FBF1: variants seen among roughly 807,000 people sequenced by gnomAD.
FBF1 encodes the protein fas-binding factor 1.
In FBF1, 119 loss-of-function variants were observed where a neutral mutation model predicts 147.2. The ratio of observed to expected loss-of-function variants is 0.81; its 90% CI spans 0.70 to 0.94. The LOEUF is 0.94. FBF1 is among the 40% of genes least tolerant of loss of function. The pLI is 0.00. For missense variants in FBF1, 1,449 were observed against 1,500.8 expected (o/e 0.97, Z 0.57); for synonymous variants, 601 against 609.0 (o/e 0.99, Z 0.19).
chr17:75,915,288 C>A, intron 23 of FBF1, 149 bp from the exon 24 acceptor site: 1 of 1,289,772 alleles, frequency 7.8e-7, no homozygotes, highest in Non-Finnish European at 1.0e-6. Context: ...TGAGGGGTGC[C>A]TGGGAGGCAC....
intron 23 of FBF1, 28 bp from the exon 24 acceptor site, chr17:75,915,167 C>T (rs779606083): frequency 5.0e-6 from 8 of 1,596,032 alleles, no homozygotes; most frequent in Non-Finnish European, 6.8e-6. Flanking sequence ...GGACTGAGAG[C>T]GTGGTTCCCG....
Position 75,918,011 on chromosome 17 carries a change from G to A in FBF1, c.2306C>T (p.Ser769Phe). The A allele has an allele frequency of 6.2e-7, 1 of 1,612,662 alleles. No individual in the cohort carries two copies. The highest frequency in any genetic ancestry group is 8.5e-7 in the Non-Finnish European group (1 of 1,179,200). Reference protein sequence around the residue: ...EKFSSSLHELSSRVEASHLTT... With the variant: ...EKFSSSLHELFSRVEASHLTT... ...GAGGTGCGAGGCCTCCACGCGGGAG[G>A]ACAACTCGTGCAGGCTGCTGGAGAA... Residue 769 changes from serine (S) to phenylalanine (F), a missense_variant, in exon 22 of 30, where the codon TCC becomes TTC. Transcript: ENST00000636174. This position sits in a 1 kb window ranked among gnomAD's most constrained non-coding sequence, Gnocchi z 5.8.
intron 4 of FBF1, 40 bp from the exon 5 acceptor site, chr17:75,933,128 AG>A: frequency 6.7e-7 from 1 of 1,481,594 alleles, no homozygotes; most frequent in Non-Finnish European, 9.3e-7. Flanking sequence ...ATTTAACTAA[AG>A]GTACCTGGAG....
At position 75,920,015 on chromosome 17, in the gene FBF1, A is replaced by G. The variant is rs139920170; in HGVS notation, c.1923T>C (p.Ser641=). The change falls in exon 19 of 30, where the codon AGT becomes AGC. Residue 641 remains serine, a synonymous_variant. Transcript: ENST00000636174. Reference sequence around the variant, plus strand: ...GGCCAGCGCCAGGGTACCTGTGTGCACTCTCGATGAGCTCCAGGTCTGCCT... The same window carrying G: ...GGCCAGCGCCAGGGTACCTGTGTGCGCTCTCGATGAGCTCCAGGTCTGCCT... ...QHQADLELIE[S]AHRSRIKVLE... 1.1e-3 allele frequency: 1,783 copies of G among 1,606,176 alleles called. 38 individuals are homozygous for G. In the East Asian group the frequency reaches 0.034, roughly 30 times the overall value.
rs114402607 is a variant in FBF1, at chr17:75,917,854, G to C, written c.2387-4C>G. 2,300 of 1,599,316 alleles carry C rather than the reference G, an allele frequency of 1.4e-3. 34 individuals carry two copies. The African/African-American group carries it at 0.028, about 19-fold the overall frequency. On this transcript the variant is annotated splice_polypyrimidine_tract_variant and splice_region_variant and intron_variant, in intron 22 of 29. Transcript: ENST00000636174. Reference sequence around the variant, plus strand: ...TGGCCCAGCCGCTCCTGCAGTGCTGGGGGCAACCCACAGGGTGCTCAGCAG... The same window carrying C: ...TGGCCCAGCCGCTCCTGCAGTGCTGCGGGCAACCCACAGGGTGCTCAGCAG...
At chr17:75,911,044 G>A (rs1277130914) in intron 29 of FBF1, among the ~76,000 whole-genome samples, 4 of 152,180 alleles carry the variant, frequency 2.6e-5, no homozygotes, top group Non-Finnish European at 4.4e-5. Flanking sequence ...ATGACTTCAT[G>A]TCTCTAAGCC....
At chr17:75,929,893 T>G in intron 7 of FBF1, 104 bp downstream of exon 7, 1 of 1,056,276 alleles carries the variant, frequency 9.5e-7, no homozygotes, top group Non-Finnish European at 1.4e-6. Context: ...GAAACACAGG[T>G]TGTAAAGGGA....
chr17:75,909,689 C>T lies in FBF1; in HGVS notation c.*1034G>A, dbSNP rs1286200213. ...CCAGCTGCCAGGTGCCACCGCAGAC[C>T]GCAGGTGCTGGAGGGGAGAGGCACG... On this transcript the variant is annotated 3_prime_UTR_variant, in exon 30 of 30. Coordinates refer to ENST00000636174, the MANE Select transcript of FBF1 (RefSeq NM_001319193.2). 18 of 574,270 alleles carry T rather than the reference C, an allele frequency of 3.1e-5. No homozygotes were observed. Among genetic ancestry groups the T allele is most frequent in the African/African-American group, 7.5e-5 (4 of 53,640 alleles). 35.6% of individuals were successfully genotyped at this position (574,270 alleles called of 1,614,324 possible).
intron 29 of FBF1, among the ~76,000 whole-genome samples, chr17:75,911,028 G>A (rs922253760): frequency 6.6e-6 from 1 of 152,288 alleles, no homozygotes; most frequent in African/African-American, 2.4e-5. Flanking sequence ...TGGAACTTAC[G>A]AGCACATGAC....
At chr17:75,920,485 A>G in intron 17 of FBF1, 56 bp from the exon 18 acceptor site, 1 of 1,514,426 alleles carries the variant, frequency 6.6e-7, no homozygotes, top group Non-Finnish European at 8.9e-7. Context: ...GGCCCAGCTG[A>G]GATCAGCTAC....
In FBF1 at chr17:75,923,211, TC is replaced by T; in HGVS notation, c.1398del (p.Thr467GlnfsTer46). The T allele has an allele frequency of 6.3e-7, 1 of 1,589,400 alleles. No homozygotes were observed. Among genetic ancestry groups the T allele is most frequent in the Non-Finnish European group, 8.6e-7 (1 of 1,168,622 alleles). On this transcript the variant is annotated frameshift_variant, in exon 14 of 30. Transcript: ENST00000636174. LOFTEE classifies it high-confidence loss of function. This position sits in a 1 kb window ranked among gnomAD's most constrained non-coding sequence, Gnocchi z 4.1. ...CTGCCAGAAGGGGGATGGCCCGCTG[TC>T]CCCGCCAAATGCAGGCCCTCAGAGG... is the stretch of plus-strand genomic sequence containing the variant. ...AGTSEGLHLA[G>X]TAGHPPSGSQ...
rs571950720 is a variant in FBF1 at position 75,917,630 on chromosome 17, C to A, written c.2505+102G>T. On this transcript the variant is annotated intron_variant, in intron 23 of 29. Coordinates refer to ENST00000636174, the MANE Select transcript of FBF1 (RefSeq NM_001319193.2). ...GAAGCGGCAGGTGGGGCCTTGACCT[C>A]CTGAGGAAGTGAGGTCACGGGAGTG... is the stretch of plus-strand genomic sequence containing the variant. The A allele has an allele frequency of 1.5e-4, 163 of 1,093,896 alleles. No homozygotes were observed. The African/African-American group carries it at 2.1e-3, about 14-fold the overall frequency. 67.8% of individuals were successfully genotyped at this position (1,093,896 alleles called of 1,614,324 possible).
At chr17:75,911,788 G>A (rs1406096292) in intron 29 of FBF1, among the ~76,000 whole-genome samples, 1 of 152,152 alleles carries the variant, frequency 6.6e-6, no homozygotes, top group African/African-American at 2.4e-5. Flanking sequence ...TGGGATTACA[G>A]GTGTGAGCCA....
At position 75,923,964 on chromosome 17, in the gene FBF1, G is replaced by C. The variant is rs2065545357; in HGVS notation, c.969-323C>G. Among the ~76,000 whole-genome samples the C allele has an allele frequency of 6.6e-6, 1 of 152,178 alleles. No homozygotes were observed. Among genetic ancestry groups the C allele is most frequent in the Non-Finnish European group, 1.5e-5 (1 of 68,030 alleles). ...ACGGTGGCTCATGTCTGTAATCCCAGATCTTTGGGAGGCCAGGGTGGGCAG... is the reference window on the plus strand; with the variant it reads ...ACGGTGGCTCATGTCTGTAATCCCACATCTTTGGGAGGCCAGGGTGGGCAG... On this transcript the variant is annotated intron_variant, in intron 13 of 29. Transcript: ENST00000636174. This position sits in a 1 kb window ranked among gnomAD's most constrained non-coding sequence, Gnocchi z 4.1.
At chr17:75,924,762 G>A (rs1025373956) in intron 13 of FBF1, among the ~76,000 whole-genome samples, 4 of 152,158 alleles carry the variant, frequency 2.6e-5, no homozygotes, top group African/African-American at 9.7e-5. Flanking sequence ...ACAGGCATGA[G>A]CCACCATACC....
rs2065516318 is a variant in FBF1 at position 75,920,178 on chromosome 17, A to G, written c.1831-71T>C. ...GTACTCCACGCTGCCCTGTGCCAAC[A>G]GCCCTTCCTCCCTCCTGGGGAAGCT... is the stretch of plus-strand genomic sequence containing the variant. On this transcript the variant is annotated intron_variant, in intron 18 of 29. Coordinates refer to ENST00000636174, the MANE Select transcript of FBF1 (RefSeq NM_001319193.2). The G allele has an allele frequency of 2.5e-6, 4 of 1,588,122 alleles. No homozygotes were observed. In the Admixed American group the frequency reaches 6.9e-5, roughly 27 times the overall value.
At chr17:75,936,000 A>G (rs930290624) in intron 3 of FBF1, among the ~76,000 whole-genome samples, 1 of 145,904 alleles carries the variant, frequency 6.9e-6, no homozygotes, top group Non-Finnish European at 1.5e-5. Context: ...ACATGGCAAA[A>G]CCCTGTCTTT....
chr17:75,918,216 T>G lies in FBF1; in HGVS notation c.2192A>C (p.Lys731Thr). Residue 731 changes from lysine to threonine, a missense_variant, in exon 21 of 30, where the codon AAG (lysine) becomes ACG (threonine). Transcript: ENST00000636174. The surrounding 1 kb of genome is among the most constrained non-coding windows in gnomAD (Gnocchi z 5.8). ...RDHEEQLQRL[K>T]LLKDREVDAA... ...ATCGACCTCTCGGTCCTTCAGCAGCTTTAGCCGCTGCAGCTGCTCCTCGTG... is the reference window on the plus strand; with the variant it reads ...ATCGACCTCTCGGTCCTTCAGCAGCGTTAGCCGCTGCAGCTGCTCCTCGTG... The G allele has an allele frequency of 1.2e-6, 2 of 1,613,488 alleles. No homozygotes were observed. Among genetic ancestry groups the G allele is most frequent in the Middle Eastern group, 3.3e-4 (2 of 6,062 alleles).
rs951299002 is a variant in FBF1, at chr17:75,910,198, C to A, written c.*525G>T. 25 of 382,090 alleles carry A rather than the reference C, an allele frequency of 6.5e-5. No individual in the cohort carries two copies. Among genetic ancestry groups the A allele is most frequent in the Non-Finnish European group, 1.3e-4 (25 of 196,802 alleles). 23.7% of individuals were successfully genotyped at this position (382,090 alleles called of 1,614,324 possible). A position where few individuals can be genotyped will look rare whatever the true frequency, so the allele number is the denominator to read the frequency against. The stretch of plus-strand genomic sequence containing the variant: ...GGCTGAGTTCCAGGAACATCTCACA[C>A]CACAAGGGAGGATCTAGCTGGTGCC... On this transcript the variant is annotated 3_prime_UTR_variant, in exon 30 of 30. Transcript: ENST00000636174. The surrounding 1 kb of genome is among the most constrained non-coding windows in gnomAD (Gnocchi z 4.1).
Sources: allele counts gnomAD v4.1 joint callset (sites outside exome capture counted in the v4.1 genomes callset), GRCh38; gene constraint gnomAD v4.1.1; non-coding constraint Gnocchi (gnomAD v3.1); transcripts MANE v1.5; gene names NCBI Gene and HGNC (gene_info 2026-07-23, HGNC 2026-07-21).